Variants in PKNOX2 observed in about 807,000 individuals in gnomAD.
The protein encoded by PKNOX2 is PBX/knotted 1 homeobox 2.
Under a neutral mutation model 53.1 loss-of-function variants are expected in PKNOX2, and 14 were observed. That is an observed-to-expected ratio of 0.26 (90% CI 0.17 to 0.41). The LOEUF is 0.41. PKNOX2 is among the 10% of genes least tolerant of loss of function. PKNOX2 has a pLI of 1.00. For synonymous variants in PKNOX2, 257 were observed against 242.8 expected, an observed-to-expected ratio of 1.06 and a Z score of -0.54; for missense variants, 496 against 602.8, an observed-to-expected ratio of 0.82 and a Z score of 1.85.
At chr11:125,348,511 G>A (rs1420972375) in intron 3 of PKNOX2, among the ~76,000 whole-genome samples, 1 of 152,224 alleles carries the variant, frequency 6.6e-6, no homozygotes, top group African/African-American at 2.4e-5. Context: ...TATTGTTCCT[G>A]TGTCTTCTTT....
intron 2 of PKNOX2, among the ~76,000 whole-genome samples, chr11:125,271,685 G>A (rs1173694828): frequency 6.6e-6 from 1 of 152,064 alleles, no homozygotes; most frequent in Non-Finnish European, 1.5e-5. Context: ...GCAGAGTTGA[G>A]GGAAGGAGAG....
chr11:125,403,834 G>A (rs182654126), intron 7 of PKNOX2, among the ~76,000 whole-genome samples: 209 of 152,304 alleles, frequency 1.4e-3, no homozygotes, highest in African/African-American at 4.8e-3. Context: ...GTAGGGAAAT[G>A]AGAGGTACAA....
At chr11:125,167,670 C>A (rs1954997826) in intron 1 of PKNOX2, among the ~76,000 whole-genome samples, 1 of 152,218 alleles carries the variant, frequency 6.6e-6, no homozygotes, top group Non-Finnish European at 1.5e-5. Flanking sequence ...TTATGATCCT[C>A]TCTGGGAGTT....
At chr11:125,273,149 T>G (rs1300203187) in intron 2 of PKNOX2, among the ~76,000 whole-genome samples, 2 of 152,074 alleles carry the variant, frequency 1.3e-5, no homozygotes, top group Admixed American at 6.5e-5. Context: ...ATGAGCACAC[T>G]CCCCAGGCAG....
intron 2 of PKNOX2, among the ~76,000 whole-genome samples, chr11:125,267,658 A>T (rs1945462240): frequency 6.6e-6 from 1 of 152,102 alleles, no homozygotes; most frequent in Non-Finnish European, 1.5e-5. Flanking sequence ...GATTTCTACC[A>T]CAGGTGAGAT....
chr11:125,270,593 G>A (rs531593223), intron 2 of PKNOX2, among the ~76,000 whole-genome samples: 4 of 152,304 alleles, frequency 2.6e-5, no homozygotes, highest in Admixed American at 1.3e-4. Flanking sequence ...TTCATGGGGT[G>A]GAGAATAATG....
chr11:125,242,491 C>A (rs1943237959), intron 2 of PKNOX2, among the ~76,000 whole-genome samples: 1 of 152,132 alleles, frequency 6.6e-6, no homozygotes, highest in Non-Finnish European at 1.5e-5. Context: ...TCTGCATGTG[C>A]TGGGGGCCTG....
intron 2 of PKNOX2, among the ~76,000 whole-genome samples, chr11:125,284,664 C>T (rs1017816201): frequency 6.6e-6 from 1 of 152,154 alleles, no homozygotes; most frequent in Non-Finnish European, 1.5e-5. Flanking sequence ...AGTATCCAGG[C>T]TACCGAGTGC....
intron 10 of PKNOX2, among the ~76,000 whole-genome samples, chr11:125,412,113 T>G (rs1208134980): frequency 6.6e-6 from 1 of 152,180 alleles, no homozygotes. Flanking sequence ...CATGGGGTAA[T>G]GGGGACAAGT....
intron 3 of PKNOX2, among the ~76,000 whole-genome samples, chr11:125,336,146 GT>G (rs914688120): frequency 6.6e-6 from 1 of 151,960 alleles, no homozygotes; most frequent in African/African-American, 2.4e-5. Context: ...ATTTATTGTA[GT>G]TATTTTTTAA....
intron 1 of PKNOX2, among the ~76,000 whole-genome samples, chr11:125,206,265 T>G (rs1939098087): frequency 1.3e-5 from 2 of 152,032 alleles, no homozygotes; most frequent in South Asian, 4.2e-4. Context: ...AGGCTCGGAC[T>G]GATGCTGTTC....
At chr11:125,378,442 G>A (rs1952974113) in intron 5 of PKNOX2, among the ~76,000 whole-genome samples, 1 of 152,188 alleles carries the variant, frequency 6.6e-6, no homozygotes, top group South Asian at 2.1e-4. Flanking sequence ...GGCCCAACAG[G>A]AAGAGACAGA....
intron 1 of PKNOX2, among the ~76,000 whole-genome samples, chr11:125,173,522 A>G (rs1001917515): frequency 6.6e-6 from 1 of 152,254 alleles, no homozygotes; most frequent in African/African-American, 2.4e-5. Flanking sequence ...CTTTCATAAA[A>G]GAACCAGCTA....
intron 2 of PKNOX2, among the ~76,000 whole-genome samples, chr11:125,273,755 G>A (rs1222929328): frequency 1.3e-5 from 2 of 152,216 alleles, no homozygotes; most frequent in Non-Finnish European, 2.9e-5. Context: ...ACTAGACCAC[G>A]TCAGGGGGAT....
At chr11:125,196,725 G>A (rs573994847) in intron 1 of PKNOX2, among the ~76,000 whole-genome samples, 16 of 152,178 alleles carry the variant, frequency 1.1e-4, no homozygotes, top group Non-Finnish European at 1.9e-4. Context: ...CATTGGACTC[G>A]ATCATGTCCA....
chr11:125,189,098 G>T (rs1327130377), intron 1 of PKNOX2, among the ~76,000 whole-genome samples: 1 of 151,802 alleles, frequency 6.6e-6, no homozygotes, highest in Non-Finnish European at 1.5e-5. Context: ...TTTTGGGGTT[G>T]ACTTTCCTCT....
At chr11:125,371,887 G>A (rs901095634) in intron 5 of PKNOX2, among the ~76,000 whole-genome samples, 19 of 152,146 alleles carry the variant, frequency 1.2e-4, no homozygotes, top group Admixed American at 1.2e-3. Flanking sequence ...TAGAGGGTGA[G>A]GTGGCTTCCG....
chr11:125,277,901 T>C (rs1946282047), intron 2 of PKNOX2, among the ~76,000 whole-genome samples: 1 of 152,124 alleles, frequency 6.6e-6, no homozygotes. Context: ...TATACAGCTA[T>C]TATGTATCAG....
At chr11:125,189,369 GTATATATATATA>G (rs1288289105) in intron 1 of PKNOX2, among the ~76,000 whole-genome samples, 9 of 52,240 alleles carry the variant, frequency 1.7e-4, no homozygotes, top group African/African-American at 4.5e-4. Flanking sequence ...ATATATATAT[GTATATATATATA>G]TGTGTGTATA....
Sources: allele counts gnomAD v4.1 joint callset (sites outside exome capture counted in the v4.1 genomes callset), GRCh38; gene constraint gnomAD v4.1.1; transcripts MANE v1.5; gene names NCBI Gene and HGNC (gene_info 2026-07-23, HGNC 2026-07-21).